TLL1: variants seen among roughly 807,000 people sequenced by gnomAD.
The protein encoded by TLL1 is tolloid-like protein 1.
Under a neutral mutation model 128.2 loss-of-function variants are expected in TLL1, and 49 were observed. The ratio of observed to expected loss-of-function variants is 0.38; its 90% CI spans 0.30 to 0.48. The LOEUF (loss-of-function observed/expected upper bound fraction) is 0.48. Ranked by LOEUF, TLL1 falls within the 20% of genes least tolerant of loss-of-function variation. TLL1 has a pLI of 0.96. For synonymous variants in TLL1, 454 were observed against 418.8 expected (o/e 1.08, Z -1.03); for missense variants, 1,123 against 1,242.0 (o/e 0.90, Z 1.44).
intron 1 of TLL1, among the ~76,000 whole-genome samples, chr4:165,883,755 C>T (rs1031056229): frequency 3.9e-5 from 6 of 152,164 alleles, no homozygotes; most frequent in Non-Finnish European, 8.8e-5. Flanking sequence ...TTTCATATCT[C>T]AAGTCCTCTG....
chr4:165,941,622 G>A (rs1734013070), intron 1 of TLL1, among the ~76,000 whole-genome samples: 1 of 152,048 alleles, frequency 6.6e-6, no homozygotes, highest in Admixed American at 6.6e-5. Flanking sequence ...AATGCCCAGT[G>A]TCAACATAAA....
intron 1 of TLL1, among the ~76,000 whole-genome samples, chr4:165,955,616 A>G (rs1734746386): frequency 6.6e-6 from 1 of 152,176 alleles, no homozygotes; most frequent in Non-Finnish European, 1.5e-5. Flanking sequence ...ACAAGCTAGA[A>G]GAGACTGGGG....
chr4:166,002,819 A>G (rs1240804420), intron 5 of TLL1, among the ~76,000 whole-genome samples: 1 of 152,196 alleles, frequency 6.6e-6, no homozygotes, highest in Non-Finnish European at 1.5e-5. Flanking sequence ...TGAGTAGAAA[A>G]AGTAATTTCT....
At chr4:165,938,003 A>C (rs1733842770) in intron 1 of TLL1, among the ~76,000 whole-genome samples, 1 of 151,864 alleles carries the variant, frequency 6.6e-6, no homozygotes, top group Non-Finnish European at 1.5e-5. Flanking sequence ...TTTAAATTTT[A>C]TTTTAAAAAA....
chr4:165,895,933 C>CT (rs1041108420), intron 1 of TLL1, among the ~76,000 whole-genome samples: 1 of 151,924 alleles, frequency 6.6e-6, no homozygotes, highest in African/African-American at 2.4e-5. Context: ...AAAGTATAGT[C>CT]TTTTTTTATT....
intron 8 of TLL1, among the ~76,000 whole-genome samples, chr4:166,022,388 C>A (rs1309683546): frequency 6.6e-6 from 1 of 152,158 alleles, no homozygotes; most frequent in Non-Finnish European, 1.5e-5. Context: ...TGGTCTGGAA[C>A]TCCTGACCTC....
At chr4:165,948,244 C>T (rs112061846) in intron 1 of TLL1, among the ~76,000 whole-genome samples, 2 of 152,202 alleles carry the variant, frequency 1.3e-5, no homozygotes, top group African/African-American at 4.8e-5. Context: ...TTGTATGTTA[C>T]GAGCAGATAA....
intron 2 of TLL1, among the ~76,000 whole-genome samples, chr4:165,990,954 T>G (rs1736610957): frequency 6.6e-6 from 1 of 151,954 alleles, no homozygotes; most frequent in South Asian, 2.1e-4. Flanking sequence ...CTTGGCCAAA[T>G]CTCCAGTTGC....
At chr4:165,973,315 A>G (rs760275460) in intron 1 of TLL1, among the ~76,000 whole-genome samples, 30 of 152,016 alleles carry the variant, frequency 2.0e-4, no homozygotes, top group South Asian at 1.2e-3. Flanking sequence ...TTTTAAGGGC[A>G]TCAAATCCTG....
chr4:165,921,827 T>A (rs1733055970), intron 1 of TLL1, among the ~76,000 whole-genome samples: 1 of 151,780 alleles, frequency 6.6e-6, no homozygotes, highest in Admixed American at 6.6e-5. Context: ...CCACTTACAG[T>A]TTTTTTTAAA....
chr4:165,873,832 C>T lies in TLL1; in HGVS notation c.-73C>T, dbSNP rs1397092657. The T allele has an allele frequency of 3.8e-6, 6 of 1,572,356 alleles. No homozygotes were observed. Among genetic ancestry groups the T allele is most frequent in the Non-Finnish European group, 5.2e-6 (6 of 1,145,762 alleles). ...GGAGAAGAGCACCGGTGCCCCTAGC[C>T]CCGCACATCAGCGCGGACCGCGGCT... On this transcript the variant is annotated 5_prime_UTR_variant, in exon 1 of 21. Coordinates refer to ENST00000061240, the MANE Select transcript of TLL1 (RefSeq NM_012464.5).
chr4:165,984,485 T>C lies in TLL1; in HGVS notation c.170-4896T>C, dbSNP rs76498784. On this transcript the variant is annotated intron_variant, in intron 1 of 20. Transcript: ENST00000061240. ...GACTTTTGAGACTTCACTGTTGCCT[T>C]TGTCTGAGAAAATTTTCATTATGCC... 3.1e-3 allele frequency among the ~76,000 whole-genome samples: 464 copies of C among 152,074 alleles called. 11 individuals are homozygous for C. The East Asian group carries it at 0.042, about 14-fold the overall frequency.
chr4:165,936,464 G>A (rs1313589301), intron 1 of TLL1, among the ~76,000 whole-genome samples: 1 of 150,918 alleles, frequency 6.6e-6, no homozygotes, highest in Non-Finnish European at 1.5e-5. Context: ...CGCCTGCCTC[G>A]CCCTCCTAAA....
chr4:166,100,927 C>A lies in TLL1; in HGVS notation c.*51C>A. 1 of 1,600,926 alleles carries A rather than the reference C, an allele frequency of 6.2e-7. No individual in the cohort carries two copies. The highest frequency in any genetic ancestry group is 1.1e-5 in the South Asian group (1 of 89,552). On this transcript the variant is annotated 3_prime_UTR_variant, in exon 21 of 21. Coordinates refer to ENST00000061240, the MANE Select transcript of TLL1 (RefSeq NM_012464.5). ...AGGAATGTGCATAATGGAGAGAAGA[C>A]ATATTTTTTTTAAAACTGAAGATAT...
intron 1 of TLL1, among the ~76,000 whole-genome samples, chr4:165,958,635 C>CA (rs1579543581): frequency 1.4e-5 from 2 of 141,364 alleles, no homozygotes; most frequent in East Asian, 4.2e-4. Context: ...GAGTAGGTTG[C>CA]AAAAATTTTC....
At chr4:165,892,647 G>A (rs1337238092) in intron 1 of TLL1, among the ~76,000 whole-genome samples, 4 of 152,202 alleles carry the variant, frequency 2.6e-5, no homozygotes, top group South Asian at 2.1e-4. Context: ...CTGAAAATCA[G>A]GAAAGTGAAA....
intron 9 of TLL1, among the ~76,000 whole-genome samples, chr4:166,038,912 G>A (rs548048767): frequency 1.3e-5 from 2 of 152,112 alleles, no homozygotes; most frequent in Admixed American, 1.3e-4. Flanking sequence ...ATAGATGTCT[G>A]ACTGGTCATT....
Position 166,025,400 on chromosome 4 carries a change from T to C in TLL1, c.1127T>C (p.Ile376Thr), listed in dbSNP as rs1173766224. 1.3e-5 allele frequency: 21 copies of C among 1,613,830 alleles called. No homozygotes were observed. The highest frequency in any genetic ancestry group is 1.8e-5 in the Non-Finnish European group (21 of 1,179,768). The change falls in exon 9 of 21, where the codon ATC becomes ACC. Residue 376 changes from isoleucine to threonine, a missense_variant. This residue lies in a region of TLL1 where 480 missense variants were observed against 542.4 expected (regional missense o/e 0.89). Transcript: ENST00000061240. Reference protein sequence around the residue: ...PNGYPSYTHCIWRVSVTPGEK... With the variant: ...PNGYPSYTHCTWRVSVTPGEK... ...GGCTACCCTTCTTACACACACTGCA[T>C]CTGGAGAGTTTCTGTGACCCCAGGG...
intron 12 of TLL1, chr4:166,044,233 T>C (rs1739361638): frequency 4.5e-6 from 3 of 673,028 alleles, no homozygotes; most frequent in Non-Finnish European, 7.4e-6. Flanking sequence ...TCTTTACTGA[T>C]TGGAAGACTA....
Sources: gnomAD v4.1 joint callset for allele counts (sites outside exome capture counted in the v4.1 genomes callset) on GRCh38, gnomAD v4.1.1 for gene constraint, gnomAD v4.1.1 regional missense constraint, MANE v1.5 for transcripts, NCBI Gene and HGNC (gene_info 2026-07-23, HGNC 2026-07-21) for gene names.